SLC13A1: variants seen among roughly 807,000 people sequenced by gnomAD.
SLC13A1 encodes the protein Na(+)/sulfate cotransporter.
Under a neutral mutation model 70.0 loss-of-function variants are expected in SLC13A1, and 65 were observed. That is an observed-to-expected ratio of 0.93 (90% CI 0.76 to 1.14). The LOEUF is 1.14. SLC13A1 is among the 50% of genes most tolerant of loss of function. SLC13A1 has a pLI of 0.00. For missense variants in SLC13A1, 726 were observed against 717.8 expected, an observed-to-expected ratio of 1.01 and a Z score of -0.13; for synonymous variants, 275 against 250.5, an observed-to-expected ratio of 1.10 and a Z score of -0.92.
Position 123,169,343 on chromosome 7 carries a change from C to A in SLC13A1, c.366-8G>T, listed in dbSNP as rs767667966. On this transcript the variant is annotated splice_region_variant and splice_polypyrimidine_tract_variant and intron_variant, in intron 3 of 14. Coordinates refer to ENST00000194130, the MANE Select transcript of SLC13A1 (RefSeq NM_022444.4). ...ATGAACCCCAGCGTCAGCCTGAAACCAGAGAGCCATTATTGTGGAGCTGTG... is the reference window on the plus strand; with the variant it reads ...ATGAACCCCAGCGTCAGCCTGAAACAAGAGAGCCATTATTGTGGAGCTGTG... 1.9e-6 allele frequency: 3 copies of A among 1,610,092 alleles called. No homozygotes were observed. The highest frequency in any genetic ancestry group is 3.3e-5 in the Admixed American group (2 of 59,988).
At chr7:123,148,685 T>G in intron 6 of SLC13A1, 1 of 257,856 alleles carries the variant, frequency 3.9e-6, no homozygotes, top group Non-Finnish European at 7.8e-6. Context: ...AGTTAAACAG[T>G]GCCCTATTTA....
intron 2 of SLC13A1, among the ~76,000 whole-genome samples, chr7:123,172,180 TTG>T (rs1402541055): frequency 6.6e-6 from 1 of 152,194 alleles, no homozygotes; most frequent in East Asian, 1.9e-4. Context: ...TGGGGCTAAT[TTG>T]TTTATGCATC....
At chr7:123,173,970 G>GTTTTT (rs35330071) in intron 2 of SLC13A1, among the ~76,000 whole-genome samples, 1 of 130,214 alleles carries the variant, frequency 7.7e-6, no homozygotes, top group Non-Finnish European at 1.6e-5. Flanking sequence ...TCGGGAAGCT[G>GTTTTT]TTTTTTTTTT....
At chr7:123,190,648 T>C in intron 1 of SLC13A1, 1 of 456,698 alleles carries the variant, frequency 2.2e-6, no homozygotes, top group Non-Finnish European at 4.4e-6. Context: ...CTAAGACTCA[T>C]ATTTGACATT....
intron 1 of SLC13A1, among the ~76,000 whole-genome samples, chr7:123,187,908 C>A (rs1485594378): frequency 6.6e-6 from 1 of 152,094 alleles, no homozygotes; most frequent in Non-Finnish European, 1.5e-5. Context: ...ACATGCATGT[C>A]TATGGAAAAT....
chr7:123,198,484 C>T (rs533783578), intron 1 of SLC13A1, among the ~76,000 whole-genome samples: 1 of 152,098 alleles, frequency 6.6e-6, no homozygotes, highest in East Asian at 1.9e-4. Context: ...CTCCATGTAG[C>T]TCTGTGAGAC....
At chr7:123,198,278 G>A (rs1796244989) in intron 1 of SLC13A1, among the ~76,000 whole-genome samples, 1 of 148,690 alleles carries the variant, frequency 6.7e-6, no homozygotes, top group Non-Finnish European at 1.5e-5. Context: ...ATTCATATAG[G>A]AGACCTCACA....
intron 1 of SLC13A1, among the ~76,000 whole-genome samples, chr7:123,186,417 C>A (rs1239366692): frequency 6.6e-6 from 1 of 152,064 alleles, no homozygotes; most frequent in Non-Finnish European, 1.5e-5. Flanking sequence ...CATAAAGTAG[C>A]TTCATTTTGT....
intron 2 of SLC13A1, among the ~76,000 whole-genome samples, chr7:123,176,247 A>C (rs919230660): frequency 6.6e-6 from 1 of 152,212 alleles, no homozygotes; most frequent in Non-Finnish European, 1.5e-5. Flanking sequence ...GGTTTTCATC[A>C]GTCAGAATAT....
Position 123,125,694 on chromosome 7 carries a change from C to A in SLC13A1, c.1134-19G>T, listed in dbSNP as rs752147837. The A allele has an allele frequency of 3.2e-6, 5 of 1,554,506 alleles. No homozygotes were observed. Among genetic ancestry groups the A allele is most frequent in the Non-Finnish European group, 4.4e-6 (5 of 1,131,008 alleles). On this transcript the variant is annotated intron_variant, in intron 10 of 14. Transcript: ENST00000194130. ...AGGGTACCTGTAAAAGGGACAAATA[C>A]ATGTATTAAAAATAGCATCAAGAAC... is the stretch of plus-strand genomic sequence containing the variant.
intron 7 of SLC13A1, among the ~76,000 whole-genome samples, chr7:123,140,898 G>A (rs894489140): frequency 1.3e-5 from 2 of 151,576 alleles, no homozygotes; most frequent in Non-Finnish European, 3.0e-5. Flanking sequence ...TTTTGGTATT[G>A]TTTTCTTTAT....
intron 2 of SLC13A1, among the ~76,000 whole-genome samples, chr7:123,172,188 G>A (rs1795298476): frequency 6.6e-6 from 1 of 152,160 alleles, no homozygotes; most frequent in Non-Finnish European, 1.5e-5. Context: ...ATTTGTTTAT[G>A]CATCTATAGT....
At chr7:123,120,595 C>A (rs1325444964) in intron 12 of SLC13A1, among the ~76,000 whole-genome samples, 6 of 152,002 alleles carry the variant, frequency 3.9e-5, no homozygotes, top group Non-Finnish European at 8.8e-5. Flanking sequence ...ATCTTTATGA[C>A]AACTAGAAGT....
At chr7:123,184,911 A>G (rs1795751630) in intron 1 of SLC13A1, among the ~76,000 whole-genome samples, 1 of 151,966 alleles carries the variant, frequency 6.6e-6, no homozygotes, top group African/African-American at 2.4e-5. Context: ...ATTTTTCATA[A>G]TGGCTGTACT....
At position 123,169,335 on chromosome 7, in the gene SLC13A1, C is replaced by A; in HGVS notation, c.366G>T (p.Trp122Cys). Residue 122 changes from tryptophan (W) to cysteine (C), a missense_variant and splice_region_variant, in exon 4 of 15, where the codon TGG becomes TGT. By Grantham distance (215) the Trp-to-Cys change is radical. Coordinates refer to ENST00000194130, the MANE Select transcript of SLC13A1 (RefSeq NM_022444.4). Reference sequence around the variant, plus strand: ...TGCTGCTCATGAACCCCAGCGTCAGCCTGAAACCAGAGAGCCATTATTGTG... The same window carrying A: ...TGCTGCTCATGAACCCCAGCGTCAGACTGAAACCAGAGAGCCATTATTGTG... ...MVMMVGVNPA[W>C]LTLGFMSSTA... 2 of 1,610,998 alleles carry A rather than the reference C, an allele frequency of 1.2e-6. No homozygotes were observed. Among genetic ancestry groups the A allele is most frequent in the Non-Finnish European group, 1.7e-6 (2 of 1,179,790 alleles).
chr7:123,153,944 A>G (rs1338985436), intron 6 of SLC13A1, among the ~76,000 whole-genome samples: 1 of 152,084 alleles, frequency 6.6e-6, no homozygotes, highest in Non-Finnish European at 1.5e-5. Flanking sequence ...GCTTAGTGGT[A>G]TCTTCCACCT....
chr7:123,132,850 T>C (rs1211883988), intron 8 of SLC13A1, among the ~76,000 whole-genome samples: 1 of 152,250 alleles, frequency 6.6e-6, no homozygotes, highest in Non-Finnish European at 1.5e-5. Flanking sequence ...GAGTAGAATT[T>C]ACAGGCTGCA....
intron 8 of SLC13A1, among the ~76,000 whole-genome samples, chr7:123,130,676 A>G (rs143046746): frequency 0.015 from 2,209 of 152,234 alleles, 17 homozygotes; most frequent in Non-Finnish European, 0.021. Context: ...GTTTGCCTAC[A>G]TAACAAACCT....
chr7:123,196,147 CT>C (rs1337811855), intron 1 of SLC13A1, among the ~76,000 whole-genome samples: 1 of 151,966 alleles, frequency 6.6e-6, no homozygotes, highest in African/African-American at 2.4e-5. Context: ...AAGATTTTAA[CT>C]GGAAATATTT....
Sources: allele counts gnomAD v4.1 joint callset (sites outside exome capture counted in the v4.1 genomes callset), GRCh38; gene constraint gnomAD v4.1.1; transcripts MANE v1.5; gene names NCBI Gene and HGNC (gene_info 2026-07-23, HGNC 2026-07-21).